TAOK3: variants seen among roughly 807,000 people sequenced by gnomAD.
TAOK3 encodes serine/threonine-protein kinase TAO3.
In TAOK3, 40 loss-of-function variants were observed where a neutral mutation model predicts 120.4. The observed-to-expected ratio is 0.33, with a 90% CI of 0.26 to 0.43. The LOEUF (loss-of-function observed/expected upper bound fraction) is 0.43, where lower values mean the gene tolerates loss of function less well. Among genes scored for constraint, TAOK3 ranks in the 20% least tolerant of loss-of-function variants. The probability of loss-of-function intolerance (pLI) is 1.00; values close to 1 mark genes in which losing one functional copy is unlikely to be tolerated. For missense variants in TAOK3, 821 were observed against 1,112.1 expected, an observed-to-expected ratio of 0.74 and a Z score of 3.72; for synonymous variants, 355 against 387.5, an observed-to-expected ratio of 0.92 and a Z score of 0.99.
intron 1 of TAOK3, among the ~76,000 whole-genome samples, chr12:118,308,984 G>A (rs1032941691): frequency 8.9e-5 from 12 of 135,512 alleles, no homozygotes; most frequent in Non-Finnish European, 1.4e-4. Flanking sequence ...AATTAATTGA[G>A]CACTCAAATT....
chr12:118,189,611 T>A (rs2037310590), intron 14 of TAOK3, among the ~76,000 whole-genome samples, 196 bp downstream of exon 14: 1 of 138,196 alleles, frequency 7.2e-6, no homozygotes. Context: ...CCATACACAA[T>A]GCTAAAATAT....
intron 1 of TAOK3, among the ~76,000 whole-genome samples, chr12:118,297,805 C>A (rs1308172242): frequency 6.6e-6 from 1 of 152,168 alleles, no homozygotes; most frequent in Non-Finnish European, 1.5e-5. Flanking sequence ...GAACTAGTAT[C>A]TATTCAGATA....
At chr12:118,170,664 G>A (rs964366315) in intron 17 of TAOK3, among the ~76,000 whole-genome samples, 3 of 152,166 alleles carry the variant, frequency 2.0e-5, no homozygotes, top group African/African-American at 7.2e-5. Context: ...CTGGGGGGCT[G>A]AAGTGGGAGG....
At chr12:118,309,785 A>G (rs1225513582) in intron 1 of TAOK3, among the ~76,000 whole-genome samples, 29 of 151,588 alleles carry the variant, frequency 1.9e-4, no homozygotes, top group African/African-American at 6.8e-4. Flanking sequence ...CAAAGTGCTG[A>G]GATTACAGGC....
intron 9 of TAOK3, among the ~76,000 whole-genome samples, chr12:118,233,271 A>C: frequency 1.1e-5 from 1 of 88,828 alleles, no homozygotes. Flanking sequence ...GGGAGGGGGG[A>C]GGGATAGCAT....
At chr12:118,325,747 T>C (rs2043910406) in intron 1 of TAOK3, among the ~76,000 whole-genome samples, 1 of 152,188 alleles carries the variant, frequency 6.6e-6, no homozygotes. Context: ...TAGCATGATC[T>C]CGGCTCACTG....
intron 14 of TAOK3, among the ~76,000 whole-genome samples, chr12:118,182,413 T>G (rs1250376084): frequency 2.0e-5 from 3 of 151,466 alleles, no homozygotes; most frequent in African/African-American, 7.3e-5. Flanking sequence ...GTGGGGGCCG[T>G]CCTGTGCATT....
intron 9 of TAOK3, among the ~76,000 whole-genome samples, chr12:118,226,110 T>A (rs2039491747): frequency 6.6e-6 from 1 of 152,178 alleles, no homozygotes; most frequent in South Asian, 2.1e-4. Context: ...GTGCGGTGGC[T>A]CACGCCTGTA....
At chr12:118,189,414 T>A (rs909444045) in intron 14 of TAOK3, among the ~76,000 whole-genome samples, 1 of 151,946 alleles carries the variant, frequency 6.6e-6, no homozygotes, top group South Asian at 2.1e-4. Context: ...CTTAAAAAAA[T>A]TTAGCATTAT....
intron 9 of TAOK3, among the ~76,000 whole-genome samples, chr12:118,227,739 C>T (rs890429743): frequency 1.3e-5 from 2 of 152,198 alleles, no homozygotes; most frequent in Non-Finnish European, 2.9e-5. Context: ...GCATCCCAGA[C>T]TATGTGAATG....
chr12:118,255,653 T>C lies in TAOK3; in HGVS notation c.-86A>G, dbSNP rs746956100. ...TTTTTTTTGGGGGGTAAATCTTCAG[T>C]ACCTGTAGAAAAATAAGGTTTGCCA... On this transcript the variant is annotated splice_region_variant and 5_prime_UTR_variant, in exon 3 of 21. Coordinates refer to ENST00000392533, the MANE Select transcript of TAOK3 (RefSeq NM_016281.4). The C allele has an allele frequency of 1.1e-5, 15 of 1,366,894 alleles. No individual in the cohort carries two copies. Among genetic ancestry groups the C allele is most frequent in the Non-Finnish European group, 1.4e-5 (14 of 1,003,952 alleles). 84.7% of individuals were successfully genotyped at this position (1,366,894 alleles called of 1,614,324 possible). A position where few individuals can be genotyped will look rare whatever the true frequency, so the allele number is the denominator to read the frequency against.
intron 1 of TAOK3, among the ~76,000 whole-genome samples, chr12:118,281,300 A>G (rs2042091425): frequency 6.6e-6 from 1 of 152,120 alleles, no homozygotes; most frequent in African/African-American, 2.4e-5. Context: ...TTACCTATTC[A>G]GTATGATGTT....
At position 118,160,396 on chromosome 12, in the gene TAOK3, A is replaced by G; in HGVS notation, c.2140-38T>C. On this transcript the variant is annotated intron_variant, in intron 18 of 20. Coordinates refer to ENST00000392533, the MANE Select transcript of TAOK3 (RefSeq NM_016281.4). This position sits in a 1 kb window ranked among gnomAD's most constrained non-coding sequence, Gnocchi z 4.2. Reference sequence around the variant, plus strand: ...AGTGACAAAGGAAAAATAAAGGCACATCAGTAAATACAGAAAGCCTTCTAC... The same window carrying G: ...AGTGACAAAGGAAAAATAAAGGCACGTCAGTAAATACAGAAAGCCTTCTAC... 6.5e-7 allele frequency: 1 copy of G among 1,536,376 alleles called. No homozygotes were observed. The highest frequency in any genetic ancestry group is 1.4e-5 in the African/African-American group (1 of 73,376).
At chr12:118,173,569 G>C (rs1009582339) in intron 16 of TAOK3, among the ~76,000 whole-genome samples, 10 of 152,204 alleles carry the variant, frequency 6.6e-5, no homozygotes, top group African/African-American at 2.4e-4. Context: ...AGATTCCAAA[G>C]AGAAGAGGTG....
chr12:118,278,250 G>A (rs935039948), intron 1 of TAOK3, among the ~76,000 whole-genome samples: 4 of 152,116 alleles, frequency 2.6e-5, no homozygotes, highest in African/African-American at 9.7e-5. Flanking sequence ...CAGGTAATAA[G>A]CATAGTACCC....
intron 1 of TAOK3, among the ~76,000 whole-genome samples, chr12:118,275,562 T>C (rs1274854249): frequency 6.6e-6 from 1 of 152,206 alleles, no homozygotes; most frequent in East Asian, 1.9e-4. Flanking sequence ...TAATCATTCA[T>C]ATCTCTTATT....
chr12:118,162,632 T>C (rs1394015879), intron 17 of TAOK3, among the ~76,000 whole-genome samples: 1 of 152,154 alleles, frequency 6.6e-6, no homozygotes, highest in East Asian at 1.9e-4. Flanking sequence ...CAATTGTCTA[T>C]TTTTTAAAAT....
chr12:118,234,968 T>C (rs2039961686), intron 8 of TAOK3, among the ~76,000 whole-genome samples: 1 of 152,172 alleles, frequency 6.6e-6, no homozygotes, highest in South Asian at 2.1e-4. Context: ...TAGAAAAAAA[T>C]TCAAAGACTA....
intron 3 of TAOK3, chr12:118,246,419 G>A (rs2040506310): frequency 2.1e-6 from 3 of 1,446,472 alleles, no homozygotes; most frequent in South Asian, 2.4e-5. Context: ...TTATGCCAGT[G>A]CAGAAGCAGA....
Sources: allele counts gnomAD v4.1 joint callset (sites outside exome capture counted in the v4.1 genomes callset), GRCh38; gene constraint gnomAD v4.1.1; non-coding constraint Gnocchi (gnomAD v3.1); transcripts MANE v1.5; gene names NCBI Gene and HGNC (gene_info 2026-07-23, HGNC 2026-07-21).